Variants in STIM1 observed in about 807,000 individuals in gnomAD.
STIM1 encodes the protein stromal interaction molecule 1.
In STIM1, 25 loss-of-function variants were observed where a neutral mutation model predicts 74.7. That is an observed-to-expected ratio of 0.33 (90% CI 0.24 to 0.47). The LOEUF (loss-of-function observed/expected upper bound fraction) is 0.47. Among genes scored for constraint, STIM1 ranks in the 20% least tolerant of loss-of-function variants. The pLI is 1.00. For missense variants in STIM1, 728 were observed against 920.8 expected, an observed-to-expected ratio of 0.79 and a Z score of 2.71; for synonymous variants, 328 against 348.8, an observed-to-expected ratio of 0.94 and a Z score of 0.66.
chr11:3,987,073 G>T (rs1590624661), intron 2 of STIM1, among the ~76,000 whole-genome samples: 2 of 152,228 alleles, frequency 1.3e-5, no homozygotes, highest in East Asian at 3.9e-4. Context: ...AAGTTGCTGG[G>T]TCCCTTGACA....
intron 1 of STIM1, among the ~76,000 whole-genome samples, chr11:3,901,488 C>A (rs938030906): frequency 6.6e-6 from 1 of 152,112 alleles, no homozygotes; most frequent in Non-Finnish European, 1.5e-5. Flanking sequence ...GCCAGCTGTC[C>A]TTTAGTTGAC....
chr11:3,944,645 A>G (rs1285275992), intron 1 of STIM1, among the ~76,000 whole-genome samples: 1 of 152,236 alleles, frequency 6.6e-6, no homozygotes, highest in East Asian at 1.9e-4. Flanking sequence ...TCACTGTGCC[A>G]CCTAGGACAA....
At chr11:3,917,116 G>T (rs927273954) in intron 1 of STIM1, among the ~76,000 whole-genome samples, 1 of 152,152 alleles carries the variant, frequency 6.6e-6, no homozygotes, top group African/African-American at 2.4e-5. Context: ...CCTTATGTAC[G>T]CGTAGTGAGA....
At chr11:3,872,429 G>T (rs1335535394) in intron 1 of STIM1, among the ~76,000 whole-genome samples, 1 of 152,128 alleles carries the variant, frequency 6.6e-6, no homozygotes, top group Non-Finnish European at 1.5e-5. Context: ...GAGTGGGTCT[G>T]AGCTCTTGGG....
chr11:4,029,797 ACAGGT>A (rs2094032769), intron 3 of STIM1, among the ~76,000 whole-genome samples: 5 of 152,190 alleles, frequency 3.3e-5, no homozygotes, highest in Admixed American at 3.3e-4. Context: ...AAATGTATGT[ACAGGT>A]CACGTTTATT....
At chr11:3,940,632 T>A (rs2092993399) in intron 1 of STIM1, among the ~76,000 whole-genome samples, 1 of 152,158 alleles carries the variant, frequency 6.6e-6, no homozygotes, top group African/African-American at 2.4e-5. Context: ...CCCCATGCAC[T>A]GACTGCCTCC....
intron 2 of STIM1, among the ~76,000 whole-genome samples, chr11:3,979,615 A>G (rs11030481): frequency 0.054 from 8,258 of 151,864 alleles, 373 homozygotes; most frequent in East Asian, 0.18. Context: ...TAGGCTAACT[A>G]TTTTTGTAGA....
At chr11:3,953,897 C>T (rs887634458) in intron 1 of STIM1, among the ~76,000 whole-genome samples, 5 of 151,250 alleles carry the variant, frequency 3.3e-5, no homozygotes, top group African/African-American at 1.2e-4. Context: ...ATCCTCTCAT[C>T]CCAGCCTCCC....
chr11:3,907,879 A>G (rs1055525535), intron 1 of STIM1, among the ~76,000 whole-genome samples: 10 of 152,024 alleles, frequency 6.6e-5, no homozygotes, highest in Non-Finnish European at 1.5e-4. Flanking sequence ...CTTCCTTCTT[A>G]CTCTAACTTT....
chr11:3,894,958 A>G (rs1257827837), intron 1 of STIM1, among the ~76,000 whole-genome samples: 3 of 138,580 alleles, frequency 2.2e-5, no homozygotes, highest in African/African-American at 8.4e-5. Flanking sequence ...CATGTTGGCC[A>G]GGCTGGTCTC....
intron 2 of STIM1, among the ~76,000 whole-genome samples, chr11:4,013,419 C>T (rs1415450610): frequency 6.6e-6 from 1 of 152,088 alleles, no homozygotes; most frequent in Non-Finnish European, 1.5e-5. Flanking sequence ...TTGGTCTGTT[C>T]AAAGATTCAA....
chr11:3,994,930 C>T (rs2093650298), intron 2 of STIM1, among the ~76,000 whole-genome samples: 1 of 152,046 alleles, frequency 6.6e-6, no homozygotes, highest in South Asian at 2.1e-4. Flanking sequence ...ACTATTTAGC[C>T]CCTGTCCTAA....
intron 6 of STIM1, among the ~76,000 whole-genome samples, chr11:4,072,967 C>CT (rs1231283250): frequency 6.6e-6 from 1 of 150,948 alleles, no homozygotes; most frequent in Non-Finnish European, 1.5e-5. Context: ...AGCTTGCAGC[C>CT]TAACATTTCC....
At chr11:3,894,628 T>A (rs889720400) in intron 1 of STIM1, among the ~76,000 whole-genome samples, 2 of 152,204 alleles carry the variant, frequency 1.3e-5, no homozygotes, top group Non-Finnish European at 1.5e-5. Flanking sequence ...ACATCCGACA[T>A]GTTCCAGACC....
At chr11:3,934,135 G>A (rs1274818836) in intron 1 of STIM1, among the ~76,000 whole-genome samples, 1 of 152,150 alleles carries the variant, frequency 6.6e-6, no homozygotes, top group Admixed American at 6.5e-5. Flanking sequence ...GGGTGGGAGA[G>A]GGGTCTGTGT....
intron 1 of STIM1, among the ~76,000 whole-genome samples, chr11:3,957,364 C>G (rs995549513): frequency 6.6e-6 from 1 of 151,886 alleles, no homozygotes; most frequent in African/African-American, 2.4e-5. Context: ...TCAAGCCGTT[C>G]TCCTGCCTCA....
chr11:4,012,127 C>G (rs936548299), intron 2 of STIM1, among the ~76,000 whole-genome samples: 4 of 152,158 alleles, frequency 2.6e-5, no homozygotes, highest in Admixed American at 1.3e-4. Context: ...GTTACTGTAG[C>G]CTTGTAGCAT....
At chr11:3,950,435 C>T (rs1445683487) in intron 1 of STIM1, among the ~76,000 whole-genome samples, 1 of 151,706 alleles carries the variant, frequency 6.6e-6, no homozygotes, top group African/African-American at 2.4e-5. Flanking sequence ...CCTGGCTGGG[C>T]ATTCCTTTTT....
At chr11:3,856,471 A>C in intron 1 of STIM1, 62 bp downstream of exon 1, 1 of 1,570,864 alleles carries the variant, frequency 6.4e-7, no homozygotes, top group Non-Finnish European at 8.6e-7. Flanking sequence ...AGTGGCCCGA[A>C]GTGGGCAAGT....
Sources: gnomAD v4.1 joint callset for allele counts (sites outside exome capture counted in the v4.1 genomes callset) on GRCh38, gnomAD v4.1.1 for gene constraint, MANE v1.5 for transcripts, NCBI Gene and HGNC (gene_info 2026-07-23, HGNC 2026-07-21) for gene names.